SRPK2: variants seen among roughly 807,000 people sequenced by gnomAD.
SRPK2 encodes the protein SRSF protein kinase 2, also known as SFRS protein kinase 2.
In SRPK2, 21 loss-of-function variants were observed where a neutral mutation model predicts 90.8. That is an observed-to-expected ratio of 0.23 (90% CI 0.16 to 0.33). The LOEUF is 0.33. SRPK2 is among the 10% of genes least tolerant of loss of function. The pLI is 1.00. For synonymous variants in SRPK2, 288 were observed against 311.1 expected, an observed-to-expected ratio of 0.93 and a Z score of 0.78; for missense variants, 620 against 869.0, an observed-to-expected ratio of 0.71 and a Z score of 3.60.
chr7:105,132,628 T>C (rs891718821), intron 13 of SRPK2, among the ~76,000 whole-genome samples, 163 bp downstream of exon 13: 1 of 152,148 alleles, frequency 6.6e-6, no homozygotes, highest in African/African-American at 2.4e-5. Flanking sequence ...CTTCCACTTC[T>C]TAAGATGCCT....
Position 105,276,195 on chromosome 7 carries a change from C to T in SRPK2, c.72-72410G>A, listed in dbSNP as rs954457503. 2.6e-5 allele frequency among the ~76,000 whole-genome samples: 4 copies of T among 151,940 alleles called. No homozygotes were observed. The East Asian group carries it at 5.8e-4, about 22-fold the overall frequency. On this transcript the variant is annotated intron_variant, in intron 2 of 15. Transcript: ENST00000393651. ...CTCCTGGGCTCAAGCAATCCTCTAC[C>T]TCAGCCTCCTGAGTAGTTACAACTA...
chr7:105,219,723 C>T (rs1393742963), intron 2 of SRPK2, among the ~76,000 whole-genome samples: 1 of 152,208 alleles, frequency 6.6e-6, no homozygotes, highest in African/African-American at 2.4e-5. Context: ...TTTAAGCCTA[C>T]AATCTAATAC....
At chr7:105,157,158 A>G (rs1806627715) in intron 7 of SRPK2, among the ~76,000 whole-genome samples, 2 of 152,242 alleles carry the variant, frequency 1.3e-5, no homozygotes, top group Admixed American at 6.5e-5. Flanking sequence ...CCTGAACTAA[A>G]GAGGACAGCA....
chr7:105,266,375 G>A (rs537063956), intron 2 of SRPK2, among the ~76,000 whole-genome samples: 214 of 152,084 alleles, frequency 1.4e-3, no homozygotes, highest in South Asian at 6.8e-3. Context: ...AATCACATCA[G>A]GGTTTTTGTA....
intron 2 of SRPK2, among the ~76,000 whole-genome samples, chr7:105,255,071 A>C (rs1052429098): frequency 2.0e-5 from 3 of 147,704 alleles, no homozygotes; most frequent in African/African-American, 7.3e-5. Context: ...TTAATGATTA[A>C]CAGCTCAGTG....
intron 15 of SRPK2, among the ~76,000 whole-genome samples, chr7:105,121,166 G>A (rs527913748): frequency 3.0e-4 from 46 of 152,078 alleles, no homozygotes; most frequent in African/African-American, 1.1e-3. Flanking sequence ...TGGCCAACAT[G>A]GTGAAACCCG....
intron 2 of SRPK2, among the ~76,000 whole-genome samples, chr7:105,332,503 C>A (rs1814544798): frequency 6.6e-6 from 1 of 152,086 alleles, no homozygotes; most frequent in Non-Finnish European, 1.5e-5. Context: ...GTGTCTCATG[C>A]CTGTAATCTC....
intron 2 of SRPK2, among the ~76,000 whole-genome samples, chr7:105,285,901 G>A (rs188822375): frequency 6.6e-6 from 1 of 152,128 alleles, no homozygotes; most frequent in Admixed American, 6.6e-5. Flanking sequence ...AGCAATGCAA[G>A]AACTGCCTAA....
At chr7:105,390,607 G>GTTTTTTTTTTTTTTTTTTTT (rs869259356), upstream of SRPK2, among the ~76,000 whole-genome samples, 1 of 109,008 alleles carries the variant, frequency 9.2e-6, no homozygotes, top group African/African-American at 3.9e-5. Flanking sequence ...TTTTGTTTTT[G>GTTTTTTTTTTTTTTTTTTTT]TTTTTTTTTT....
chr7:105,230,303 G>A (rs1799267017), intron 2 of SRPK2, among the ~76,000 whole-genome samples: 3 of 152,142 alleles, frequency 2.0e-5, no homozygotes, highest in African/African-American at 4.8e-5. Context: ...AACAAAGGGC[G>A]GACAAACAGC....
intron 2 of SRPK2, among the ~76,000 whole-genome samples, chr7:105,293,506 C>T (rs73186058): frequency 0.011 from 1,717 of 152,100 alleles, 19 homozygotes; most frequent in Middle Eastern, 0.017. Context: ...CCCCCCACCC[C>T]GCCCCGGGTT....
intron 2 of SRPK2, among the ~76,000 whole-genome samples, chr7:105,232,696 T>TA (rs201081378): frequency 0.017 from 2,147 of 125,672 alleles, 21 homozygotes; most frequent in South Asian, 0.041. Context: ...CTCTCCCCAT[T>TA]AAAAAAAACA....
chr7:105,157,845 T>C (rs986939331), intron 7 of SRPK2, among the ~76,000 whole-genome samples: 17 of 152,120 alleles, frequency 1.1e-4, no homozygotes, highest in Non-Finnish European at 2.4e-4. Context: ...ATGGGAAGAC[T>C]GCTTGAGTCC....
At chr7:105,173,139 G>A (rs1003889959) in intron 3 of SRPK2, among the ~76,000 whole-genome samples, 2 of 151,756 alleles carry the variant, frequency 1.3e-5, no homozygotes, top group Admixed American at 6.6e-5. Flanking sequence ...AAAGAGATGC[G>A]GGCTAGCTCT....
chr7:105,120,732 T>G (rs1197799599), intron 15 of SRPK2, among the ~76,000 whole-genome samples: 3 of 152,086 alleles, frequency 2.0e-5, no homozygotes, highest in Non-Finnish European at 4.4e-5. Context: ...CTCACCCAGA[T>G]GCTATAATGA....
intron 3 of SRPK2, among the ~76,000 whole-genome samples, chr7:105,185,467 A>C (rs1793458460): frequency 6.6e-6 from 1 of 152,088 alleles, no homozygotes; most frequent in Non-Finnish European, 1.5e-5. Flanking sequence ...ATGGAGTGCA[A>C]GGGTATATAT....
intron 2 of SRPK2, among the ~76,000 whole-genome samples, chr7:105,369,741 C>T (rs1819491529): frequency 6.6e-6 from 1 of 151,982 alleles, no homozygotes; most frequent in African/African-American, 2.4e-5. Flanking sequence ...ATAAAAGTGA[C>T]TGAAGGCCGG....
At chr7:105,209,085 T>C (rs914084682) in intron 2 of SRPK2, among the ~76,000 whole-genome samples, 3 of 152,246 alleles carry the variant, frequency 2.0e-5, no homozygotes, top group African/African-American at 7.2e-5. Flanking sequence ...TGTAGAGATT[T>C]AAGCAATCAA....
At chr7:105,203,293 G>A (rs958364832) in intron 3 of SRPK2, among the ~76,000 whole-genome samples, 1 of 152,094 alleles carries the variant, frequency 6.6e-6, no homozygotes, top group African/African-American at 2.4e-5. Flanking sequence ...CTGGCCCAGT[G>A]CTCCTTTTAG....
Sources: allele counts gnomAD v4.1 joint callset (sites outside exome capture counted in the v4.1 genomes callset), GRCh38; gene constraint gnomAD v4.1.1; transcripts MANE v1.5; gene names NCBI Gene and HGNC (gene_info 2026-07-23, HGNC 2026-07-21).